The following SUPT3H variants were observed in gnomAD, a reference collection of about 807,000 sequenced individuals.
SUPT3H encodes transcription initiation protein SPT3 homolog.
SUPT3H carries 44 observed loss-of-function variants against 44.3 expected under a neutral mutation model. The observed-to-expected ratio is 0.99, with a 90% confidence interval of 0.78 to 1.28. SUPT3H has a LOEUF of 1.28. Among genes scored for constraint, SUPT3H ranks in the 50% most tolerant of loss-of-function variants. The pLI, the probability that SUPT3H is intolerant of heterozygous loss-of-function variation, is 0.00. For synonymous variants in SUPT3H, 124 were observed against 125.6 expected (o/e 0.99, Z 0.09); for missense variants, 380 against 387.1 (o/e 0.98, Z 0.15).
intron 9 of SUPT3H, 51 bp downstream of exon 9, chr6:44,953,259 A>T: frequency 7.4e-7 from 1 of 1,360,132 alleles, no homozygotes; most frequent in Non-Finnish European, 1.0e-6. Flanking sequence ...TAAATACCAG[A>T]TATGTGTCAA....
chr6:44,944,159 T>C (rs957793936), intron 9 of SUPT3H, among the ~76,000 whole-genome samples: 2 of 152,216 alleles, frequency 1.3e-5, no homozygotes, highest in South Asian at 2.1e-4. Context: ...CCTATATATA[T>C]ACAAGAGTCT....
chr6:45,281,925 C>T (rs1778174836), intron 2 of SUPT3H, among the ~76,000 whole-genome samples: 1 of 152,176 alleles, frequency 6.6e-6, no homozygotes, highest in African/African-American at 2.4e-5. Flanking sequence ...ACATTTGCTG[C>T]TCACCAATAT....
chr6:44,970,138 C>T (rs940441331), intron 6 of SUPT3H, among the ~76,000 whole-genome samples: 3 of 151,970 alleles, frequency 2.0e-5, no homozygotes, highest in African/African-American at 7.2e-5. Flanking sequence ...CTTTTTCATA[C>T]ATTTTAAACT....
chr6:45,063,176 G>A (rs1222439142), intron 3 of SUPT3H, among the ~76,000 whole-genome samples: 7 of 145,418 alleles, frequency 4.8e-5, no homozygotes, highest in African/African-American at 1.8e-4. Context: ...CAGCCTAACT[G>A]GGAGGCACCC....
intron 3 of SUPT3H, among the ~76,000 whole-genome samples, chr6:45,020,862 TTTTA>T (rs1217378154): frequency 2.0e-5 from 3 of 151,952 alleles, no homozygotes; most frequent in Non-Finnish European, 2.9e-5. Flanking sequence ...AACAGAAATC[TTTTA>T]TTTCTTTCTT....
intron 2 of SUPT3H, among the ~76,000 whole-genome samples, chr6:45,255,430 T>C (rs944148885): frequency 6.6e-6 from 1 of 150,376 alleles, no homozygotes; most frequent in Non-Finnish European, 1.5e-5. Flanking sequence ...TTTTTTTTTT[T>C]TTTTTTTCAG....
At chr6:45,182,062 C>G (rs1030120978) in intron 2 of SUPT3H, among the ~76,000 whole-genome samples, 4 of 151,722 alleles carry the variant, frequency 2.6e-5, no homozygotes, top group Admixed American at 6.6e-5. Context: ...TTTTGTTGTA[C>G]TTTACCTTAA....
At chr6:45,060,287 A>C (rs1791782428) in intron 3 of SUPT3H, among the ~76,000 whole-genome samples, 1 of 152,056 alleles carries the variant, frequency 6.6e-6, no homozygotes. Context: ...TCTCAGAAAT[A>C]AGACCACACA....
intron 10 of SUPT3H, among the ~76,000 whole-genome samples, chr6:44,837,903 G>A (rs147856496): frequency 4.9e-4 from 74 of 152,258 alleles, no homozygotes; most frequent in African/African-American, 1.8e-3. Flanking sequence ...CAATACTGAT[G>A]TAAGACAAAA....
intron 2 of SUPT3H, among the ~76,000 whole-genome samples, chr6:45,221,637 G>C (rs1766074134): frequency 1.3e-5 from 2 of 152,086 alleles, no homozygotes; most frequent in Non-Finnish European, 2.9e-5. Context: ...TCAACATACT[G>C]AAGATATTAA....
chr6:45,328,843 G>C, intron 2 of SUPT3H: 1 of 1,533,920 alleles, frequency 6.5e-7, no homozygotes, highest in South Asian at 1.1e-5. Flanking sequence ...ATAAAGGTAT[G>C]ATTCTTTGAT....
At position 45,095,017 on chromosome 6, in the gene SUPT3H, T is replaced by C. The variant is rs1258589878; in HGVS notation, c.186+10905A>G. Among the ~76,000 whole-genome samples, 1 of 152,096 alleles carries C rather than the reference T, an allele frequency of 6.6e-6. No individual in the cohort carries two copies. The highest frequency in any genetic ancestry group is 2.4e-5 in the African/African-American group (1 of 41,430). ...AACATATGCTTAATTTACTCCACAG[T>C]AGCAGACAGAAAGGCCGAGAATTTT... is the stretch of plus-strand genomic sequence containing the variant. On this transcript the variant is annotated intron_variant, in intron 3 of 10. Transcript: ENST00000371459. This position sits in a 1 kb window ranked among gnomAD's most constrained non-coding sequence, Gnocchi z 4.1.
chr6:45,039,570 A>C (rs1212155190), intron 3 of SUPT3H, among the ~76,000 whole-genome samples: 1 of 152,152 alleles, frequency 6.6e-6, no homozygotes, highest in Non-Finnish European at 1.5e-5. Flanking sequence ...ACTCGAGGTC[A>C]AGAGTTCGAG....
intron 2 of SUPT3H, among the ~76,000 whole-genome samples, chr6:45,254,496 C>G (rs1773004478): frequency 6.6e-6 from 1 of 152,102 alleles, no homozygotes; most frequent in African/African-American, 2.4e-5. Flanking sequence ...CATTAGTATA[C>G]AGAAAGGTCA....
In SUPT3H at chr6:45,157,795, C is replaced by T. The variant is rs567016637; in HGVS notation, c.102-51789G>A. Among the ~76,000 whole-genome samples the T allele has an allele frequency of 2.6e-5, 4 of 151,666 alleles. No individual in the cohort carries two copies. The South Asian group carries it at 8.3e-4, about 32-fold the overall frequency. Reference sequence around the variant, plus strand: ...AACTCCTGACCTCGTGATCCGCCTGCCTCGGCCTCCCAAGTGCTGGGATTA... The same window carrying T: ...AACTCCTGACCTCGTGATCCGCCTGTCTCGGCCTCCCAAGTGCTGGGATTA... On this transcript the variant is annotated intron_variant, in intron 2 of 10. Transcript: ENST00000371459.
At chr6:45,025,716 T>C (rs1435490093) in intron 3 of SUPT3H, among the ~76,000 whole-genome samples, 1 of 149,272 alleles carries the variant, frequency 6.7e-6, no homozygotes, top group African/African-American at 2.5e-5. Context: ...ACACAGTCTC[T>C]ACTAAAAATA....
chr6:44,983,954 A>C (rs1406401695), intron 6 of SUPT3H, among the ~76,000 whole-genome samples: 1 of 152,240 alleles, frequency 6.6e-6, no homozygotes, highest in Non-Finnish European at 1.5e-5. Context: ...TTTAGATGAC[A>C]AAAGTCATTT....
intron 10 of SUPT3H, among the ~76,000 whole-genome samples, chr6:44,864,343 C>T (rs1775150285): frequency 6.6e-6 from 1 of 152,194 alleles, no homozygotes; most frequent in African/African-American, 2.4e-5. Flanking sequence ...AGTGGATCTA[C>T]CATTCTGGAG....
chr6:45,001,493 T>C (rs1231867418), intron 6 of SUPT3H, among the ~76,000 whole-genome samples: 3 of 151,938 alleles, frequency 2.0e-5, no homozygotes, highest in Non-Finnish European at 4.4e-5. Context: ...AGTAATGAAG[T>C]AAATTATGGA....
Sources: gnomAD v4.1 joint callset for allele counts (sites outside exome capture counted in the v4.1 genomes callset) on GRCh38, gnomAD v4.1.1 for gene constraint, Gnocchi (gnomAD v3.1) non-coding constraint, MANE v1.5 for transcripts, NCBI Gene and HGNC (gene_info 2026-07-23, HGNC 2026-07-21) for gene names.